B3GALT1: variants seen among roughly 807,000 people sequenced by gnomAD.
The protein encoded by B3GALT1 is UDP-Gal:betaGlcNAc beta 1,3-galactosyltransferase, polypeptide 1.
B3GALT1 carries 10 observed loss-of-function variants against 23.2 expected under a neutral mutation model. The ratio of observed to expected loss-of-function variants is 0.43; its 90% CI spans 0.27 to 0.73. B3GALT1 has a LOEUF of 0.73. B3GALT1 is among the 30% of genes least tolerant of loss of function. The pLI, the probability that B3GALT1 is intolerant of heterozygous loss-of-function variation, is 0.21. For missense variants in B3GALT1, 299 were observed against 405.4 expected, an observed-to-expected ratio of 0.74 and a Z score of 2.25; for synonymous variants, 156 against 141.5, an observed-to-expected ratio of 1.10 and a Z score of -0.73.
chr2:167,834,055 AAAG>A (rs998624365), intron 4 of B3GALT1, among the ~76,000 whole-genome samples: 1 of 152,172 alleles, frequency 6.6e-6, no homozygotes, highest in Non-Finnish European at 1.5e-5. Context: ...CTTATCTAAA[AAAG>A]GAACTTTGCT....
At chr2:167,696,569 T>A (rs553308591) in intron 3 of B3GALT1, among the ~76,000 whole-genome samples, 11 of 152,132 alleles carry the variant, frequency 7.2e-5, no homozygotes, top group Non-Finnish European at 1.5e-4. Flanking sequence ...AGTGTTACTC[T>A]CTCTCCAATT....
At chr2:167,808,146 A>C (rs1466831078) in intron 3 of B3GALT1, among the ~76,000 whole-genome samples, 1 of 150,906 alleles carries the variant, frequency 6.6e-6, no homozygotes, top group East Asian at 1.9e-4. Context: ...TTTGTTTTCC[A>C]TTGGCTTGGT....
intron 1 of B3GALT1, among the ~76,000 whole-genome samples, chr2:167,367,742 A>AT (rs890171546): frequency 2.6e-4 from 40 of 152,310 alleles, no homozygotes; most frequent in African/African-American, 9.1e-4. Flanking sequence ...TCCTTGCCAA[A>AT]TAAAAAAAAG....
intron 3 of B3GALT1, among the ~76,000 whole-genome samples, chr2:167,657,025 AG>A (rs1453684164): frequency 6.6e-6 from 1 of 152,104 alleles, no homozygotes; most frequent in Admixed American, 6.6e-5. Flanking sequence ...AGTATAATAA[AG>A]GGCAATGATA....
At position 167,677,478 on chromosome 2, in the gene B3GALT1, A is replaced by G. The variant is rs1028506329; in HGVS notation, c.-352+30512A>G. Among the ~76,000 whole-genome samples, 5 of 152,232 alleles carry G rather than the reference A, an allele frequency of 3.3e-5. 1 individual carries two copies. Among genetic ancestry groups the G allele is most frequent in the African/African-American group, 1.2e-4 (5 of 41,470 alleles). On this transcript the variant is annotated intron_variant, in intron 3 of 4. Coordinates refer to ENST00000392690, the MANE Select transcript of B3GALT1 (RefSeq NM_020981.4). The stretch of plus-strand genomic sequence containing the variant: ...CCTTTTCTTCACAGTGGCTAAAGCA[A>G]TTCCACAGGACCCTCTTTCTCAGGA...
intron 3 of B3GALT1, among the ~76,000 whole-genome samples, chr2:167,686,788 G>A (rs1686622984): frequency 6.6e-6 from 1 of 152,094 alleles, no homozygotes; most frequent in South Asian, 2.1e-4. Context: ...GAGAAGAGGA[G>A]ACCAAGCCTA....
intron 2 of B3GALT1, among the ~76,000 whole-genome samples, chr2:167,564,860 T>C (rs1017835057): frequency 6.6e-6 from 1 of 152,118 alleles, no homozygotes; most frequent in Non-Finnish European, 1.5e-5. Context: ...TAAAAGAGGA[T>C]ACAAACAAAT....
Position 167,498,889 on chromosome 2 carries a change from A to G in B3GALT1, c.-410+8612A>G, listed in dbSNP as rs16853661. On this transcript the variant is annotated intron_variant, in intron 2 of 4. Coordinates refer to ENST00000392690, the MANE Select transcript of B3GALT1 (RefSeq NM_020981.4). ...AACTTCCTAACTTCATATGAATTTAAATCAGTGTGTTACTTCTCTGAAGAG... is the reference window on the plus strand; with the variant it reads ...AACTTCCTAACTTCATATGAATTTAGATCAGTGTGTTACTTCTCTGAAGAG... Among the ~76,000 whole-genome samples, 1,210 of 152,208 alleles carry G rather than the reference A, an allele frequency of 7.9e-3. 20 individuals carry two copies. Among genetic ancestry groups the G allele is most frequent in the African/African-American group, 0.028 (1,153 of 41,544 alleles).
At chr2:167,568,241 T>A (rs1684212081) in intron 2 of B3GALT1, among the ~76,000 whole-genome samples, 1 of 152,094 alleles carries the variant, frequency 6.6e-6, no homozygotes, top group Non-Finnish European at 1.5e-5. Context: ...CCAATGAGCA[T>A]AATTGCTCGT....
chr2:167,570,969 G>A (rs908148380), intron 2 of B3GALT1, among the ~76,000 whole-genome samples: 4 of 151,790 alleles, frequency 2.6e-5, no homozygotes, highest in Non-Finnish European at 5.9e-5. Flanking sequence ...TAGACTTTTC[G>A]ATTCTCATAC....
chr2:167,838,648 A>G (rs1159017059), intron 4 of B3GALT1, among the ~76,000 whole-genome samples: 2 of 152,298 alleles, frequency 1.3e-5, no homozygotes, highest in Non-Finnish European at 2.9e-5. Context: ...ATCAATAGAA[A>G]AAGAGGGAAT....
intron 3 of B3GALT1, among the ~76,000 whole-genome samples, chr2:167,690,166 G>A (rs1368453890): frequency 2.0e-5 from 3 of 151,628 alleles, no homozygotes; most frequent in Non-Finnish European, 4.4e-5. Context: ...AGAGAAAAAT[G>A]ACAAAAACAA....
chr2:167,694,085 T>C, intron 3 of B3GALT1, among the ~76,000 whole-genome samples: 1 of 152,070 alleles, frequency 6.6e-6, no homozygotes, highest in East Asian at 1.9e-4. Flanking sequence ...TAGGTTCTTT[T>C]TGGCACCAAT....
At chr2:167,363,849 A>T (rs1362534886) in intron 1 of B3GALT1, among the ~76,000 whole-genome samples, 1 of 152,076 alleles carries the variant, frequency 6.6e-6, no homozygotes, top group Non-Finnish European at 1.5e-5. Flanking sequence ...TGAATCCATC[A>T]TGTTGTCTGC....
At chr2:167,849,889 CA>C (rs34125080) in intron 4 of B3GALT1, among the ~76,000 whole-genome samples, 803 of 71,396 alleles carry the variant, frequency 0.011, 2 homozygotes, top group African/African-American at 0.034. Context: ...GACTCTGTCT[CA>C]AAAAAAAAAA....
intron 1 of B3GALT1, among the ~76,000 whole-genome samples, chr2:167,402,688 C>T (rs1303505958): frequency 1.3e-5 from 2 of 152,024 alleles, no homozygotes; most frequent in Non-Finnish European, 2.9e-5. Context: ...CAGTAAGCAG[C>T]AAACTTAAAT....
intron 3 of B3GALT1, among the ~76,000 whole-genome samples, chr2:167,791,867 G>A (rs940681596): frequency 4.0e-5 from 6 of 150,790 alleles, no homozygotes; most frequent in Non-Finnish European, 8.8e-5. Flanking sequence ...ACAAAGGTAT[G>A]CAGTCATTTA....
chr2:167,357,463 T>A lies in B3GALT1; in HGVS notation c.-511+64129T>A, dbSNP rs150259919. 7.7e-3 allele frequency among the ~76,000 whole-genome samples: 1,170 copies of A among 152,274 alleles called. 9 individuals carry two copies. The highest frequency in any genetic ancestry group is 9.9e-3 in the Non-Finnish European group (670 of 67,990). Reference sequence around the variant, plus strand: ...CATATAATTGTACTGACATTTGTCTTAGCTTACTCCAAAATAGAATTTTTG... The same window carrying A: ...CATATAATTGTACTGACATTTGTCTAAGCTTACTCCAAAATAGAATTTTTG... On this transcript the variant is annotated intron_variant, in intron 1 of 4. Transcript: ENST00000392690.
chr2:167,587,369 A>G (rs912768043), intron 2 of B3GALT1, among the ~76,000 whole-genome samples: 9 of 152,208 alleles, frequency 5.9e-5, no homozygotes, highest in Admixed American at 1.3e-4. Flanking sequence ...CTTAGCTGCT[A>G]CAAATTAAAT....
Sources: gnomAD v4.1 joint callset for allele counts (sites outside exome capture counted in the v4.1 genomes callset) on GRCh38, gnomAD v4.1.1 for gene constraint, MANE v1.5 for transcripts, NCBI Gene and HGNC (gene_info 2026-07-23, HGNC 2026-07-21) for gene names.